Variants in USH2A observed in about 807,000 individuals in gnomAD.
The protein encoded by USH2A is Usher syndrome 2A (autosomal recessive, mild).
In USH2A, 443 loss-of-function variants were observed where a neutral mutation model predicts 538.9. The observed-to-expected ratio is 0.82, with a 90% confidence interval of 0.76 to 0.89. USH2A has a LOEUF of 0.89. USH2A is among the 40% of genes least tolerant of loss of function. USH2A has a pLI of 0.00. For missense variants in USH2A, 6,633 were observed against 6,324.8 expected (o/e 1.05, Z -1.65); for synonymous variants, 2,413 against 2,273.5 (o/e 1.06, Z -1.75).
chr1:216,190,127 A>G, intron 20 of USH2A, 96 bp downstream of exon 20: 1 of 1,529,462 alleles, frequency 6.5e-7, no homozygotes, highest in South Asian at 1.2e-5. Flanking sequence ...GGAGGAGAAG[A>G]CAAATATAAA....
At chr1:215,827,478 C>A (rs141650107) in intron 47 of USH2A, among the ~76,000 whole-genome samples, 40 of 152,196 alleles carry the variant, frequency 2.6e-4, no homozygotes, top group African/African-American at 9.2e-4. Flanking sequence ...TAATAATAAG[C>A]CCAATATTCT....
intron 3 of USH2A, among the ~76,000 whole-genome samples, chr1:216,396,857 T>TA (rs58890774): frequency 3.9e-5 from 6 of 152,146 alleles, no homozygotes; most frequent in Non-Finnish European, 7.4e-5. Flanking sequence ...TGAAACTATG[T>TA]AAAAAAAGTA....
intron 11 of USH2A, among the ~76,000 whole-genome samples, chr1:216,288,210 T>C (rs934724194): frequency 6.6e-6 from 1 of 152,072 alleles, no homozygotes; most frequent in African/African-American, 2.4e-5. Flanking sequence ...ACAGTCAGAG[T>C]TTACTAATTA....
At chr1:216,021,393 C>T (rs1274567812) in intron 32 of USH2A, among the ~76,000 whole-genome samples, 1 of 152,166 alleles carries the variant, frequency 6.6e-6, no homozygotes, top group African/African-American at 2.4e-5. Context: ...GCTTGGTTCT[C>T]ATTCTCTATT....
intron 32 of USH2A, among the ~76,000 whole-genome samples, chr1:216,006,374 T>C (rs1416544105): frequency 2.0e-5 from 3 of 152,142 alleles, no homozygotes; most frequent in Non-Finnish European, 4.4e-5. Flanking sequence ...TTTTCAATAG[T>C]TTCATTTCCC....
rs1558146535 is a variant in USH2A, at chr1:215,888,848, C to T, written c.7801G>A (p.Glu2601Lys). 4.3e-6 allele frequency: 7 copies of T among 1,614,124 alleles called. No individual in the cohort carries two copies. Among genetic ancestry groups the T allele is most frequent in the African/African-American group, 2.7e-5 (2 of 75,006 alleles). ...GAACATCCTTTTGAAGTGCAGGCTTCTACCTGAAACTTATAGGCAGTGTAT... is the reference window on the plus strand; with the variant it reads ...GAACATCCTTTTGAAGTGCAGGCTTTTACCTGAAACTTATAGGCAGTGTAT... Reference protein sequence around the residue: ...HPYTAYKFQVEACTSKGCSLS... With the variant: ...HPYTAYKFQVKACTSKGCSLS... Residue 2601 changes from glutamate (E) to lysine (K), a missense_variant, in exon 41 of 72, where the codon GAA becomes AAA. By Grantham distance (56) the Glu-to-Lys change is moderately conservative. Transcript: ENST00000307340.
At chr1:216,316,926 G>A (rs1472205104) in intron 9 of USH2A, among the ~76,000 whole-genome samples, 1 of 152,116 alleles carries the variant, frequency 6.6e-6, no homozygotes, top group East Asian at 1.9e-4. Context: ...AGTTTTTAAT[G>A]GGGTTGTTTT....
chr1:215,729,524 C>A (rs1020747498), intron 60 of USH2A, among the ~76,000 whole-genome samples: 1 of 152,138 alleles, frequency 6.6e-6, no homozygotes, highest in Non-Finnish European at 1.5e-5. Flanking sequence ...TGAACACACC[C>A]CTTACCTAAA....
intron 13 of USH2A, among the ~76,000 whole-genome samples, chr1:216,243,919 T>C (rs1047777560): frequency 6.6e-6 from 1 of 152,248 alleles, no homozygotes; most frequent in African/African-American, 2.4e-5. Flanking sequence ...ATGAGATCTG[T>C]ATTATTATTT....
rs368313875 is a variant in USH2A, at chr1:216,067,496, G to GAA, written c.6049+2603_6049+2604dup. ...TAGAATACACTCACGGCCAGGGAGA[G>GAA]AAAAAAAAAAAAAAGGCTATGAAAA... On this transcript the variant is annotated intron_variant, in intron 30 of 71. Coordinates refer to ENST00000307340, the MANE Select transcript of USH2A (RefSeq NM_206933.4). 5.8e-3 allele frequency among the ~76,000 whole-genome samples: 723 copies of GAA among 124,116 alleles called. 5 individuals carry two copies. The highest frequency in any genetic ancestry group is 0.02 in the African/African-American group (680 of 34,028). The allele number at this position is 124,116 out of a possible 152,430, so 81.4% of individuals were successfully genotyped here.
At position 215,888,569 on chromosome 1, in the gene USH2A, T is replaced by C; in HGVS notation, c.8080A>G (p.Thr2694Ala). 6.2e-7 allele frequency: 1 copy of C among 1,614,144 alleles called. No homozygotes were observed. The highest frequency in any genetic ancestry group is 2.2e-5 in the East Asian group (1 of 44,866). Residue 2694 changes from threonine (T) to alanine (A), a missense_variant, in exon 41 of 72, where the codon ACA (threonine) becomes GCA (alanine). Thr to Ala is a moderately conservative substitution (Grantham distance 58). Coordinates refer to ENST00000307340, the MANE Select transcript of USH2A (RefSeq NM_206933.4). ...ATCAGTACCCGATATTCATATTTTG[T>C]CCATGGGCTAAGAGCAGAAGTCTTG... ...IDKTSALSPWTKYEYRVLMST... is the reference protein window; with the variant it reads ...IDKTSALSPWAKYEYRVLMST...
At chr1:215,800,249 C>T (rs770279524) in intron 49 of USH2A, among the ~76,000 whole-genome samples, 11 of 152,160 alleles carry the variant, frequency 7.2e-5, no homozygotes, top group East Asian at 1.9e-4. Context: ...TGTCTTCCCT[C>T]GTGGCCTTCG....
At position 216,168,748 on chromosome 1, in the gene USH2A, G is replaced by A. The variant is rs77798075; in HGVS notation, c.4627+6504C>T. On this transcript the variant is annotated intron_variant, in intron 21 of 71. Transcript: ENST00000307340. ...TGGAAAATTTAAGATCAGTGTTTGA[G>A]ATATTTTGCAGTCCCTTAACTCATG... Among the ~76,000 whole-genome samples the A allele has an allele frequency of 8.0e-3, 1,211 of 152,194 alleles. 10 individuals carry two copies. The highest frequency in any genetic ancestry group is 0.013 in the Non-Finnish European group (861 of 68,012).
At chr1:216,414,996 A>G (rs1465390759) in intron 3 of USH2A, among the ~76,000 whole-genome samples, 1 of 152,124 alleles carries the variant, frequency 6.6e-6, no homozygotes, top group East Asian at 1.9e-4. Flanking sequence ...CAGTTATACA[A>G]TGGAATAGTA....
At chr1:215,634,822 T>C in intron 69 of USH2A, 119 bp from the exon 70 acceptor site, 2 of 1,538,676 alleles carry the variant, frequency 1.3e-6, no homozygotes, top group East Asian at 2.3e-5. Context: ...AGTTTGTCTC[T>C]TACTGCTTGT....
At position 215,706,748 on chromosome 1, in the gene USH2A, A is replaced by G. The variant is rs899410249; in HGVS notation, c.12066+21282T>C. Among the ~76,000 whole-genome samples the G allele has an allele frequency of 2.6e-5, 4 of 152,218 alleles. No homozygotes were observed. In the South Asian group the frequency reaches 8.3e-4, roughly 32 times the overall value. The stretch of plus-strand genomic sequence containing the variant: ...AATATTGGAATTAAATTAAAGCATT[A>G]AGTCAACCAGCTTAGTGCAAAGCAA... On this transcript the variant is annotated intron_variant, in intron 61 of 71. Transcript: ENST00000307340.
chr1:215,682,718 C>T (rs957050445), intron 61 of USH2A, among the ~76,000 whole-genome samples: 18 of 149,530 alleles, frequency 1.2e-4, no homozygotes, highest in Non-Finnish European at 3.0e-5. Flanking sequence ...AGGGTCATTA[C>T]AACAGTTGTT....
intron 32 of USH2A, among the ~76,000 whole-genome samples, chr1:216,008,676 G>T (rs929171127): frequency 2.6e-5 from 4 of 152,082 alleles, no homozygotes; most frequent in African/African-American, 9.7e-5. Flanking sequence ...ACCAGCCCAA[G>T]GGACATCTCA....
At chr1:216,293,128 G>A (rs1019932017) in intron 9 of USH2A, among the ~76,000 whole-genome samples, 3 of 150,774 alleles carry the variant, frequency 2.0e-5, no homozygotes, top group East Asian at 2.0e-4. Context: ...GGGTTCAAGC[G>A]ATTCTCCCGC....
Sources: gnomAD v4.1 joint callset for allele counts (sites outside exome capture counted in the v4.1 genomes callset) on GRCh38, gnomAD v4.1.1 for gene constraint, MANE v1.5 for transcripts, NCBI Gene and HGNC (gene_info 2026-07-23, HGNC 2026-07-21) for gene names.